Variants in VDAC1 observed in about 807,000 individuals in gnomAD.
VDAC1 encodes non-selective voltage-gated ion channel VDAC1.
VDAC1 carries 10 observed loss-of-function variants against 34.7 expected under a neutral mutation model. The observed-to-expected ratio is 0.29, with a 90% CI of 0.18 to 0.49. The LOEUF is 0.49. Ranked by LOEUF, VDAC1 falls within the 20% of genes least tolerant of loss-of-function variation. VDAC1 has a pLI of 0.99. For synonymous variants in VDAC1, 130 were observed against 136.0 expected (o/e 0.96, Z 0.30); for missense variants, 230 against 347.9 (o/e 0.66, Z 2.69).
chr5:133,997,845 C>G (rs1753387525), intron 1 of VDAC1, among the ~76,000 whole-genome samples: 1 of 151,980 alleles, frequency 6.6e-6, no homozygotes, highest in East Asian at 1.9e-4. Flanking sequence ...GGGCGGGTCA[C>G]CTGAGGTCAG....
At chr5:133,973,922 T>C in intron 7 of VDAC1, 74 bp from the exon 8 acceptor site, 1 of 1,456,308 alleles carries the variant, frequency 6.9e-7, no homozygotes, top group South Asian at 1.2e-5. Flanking sequence ...AAATTAGAGC[T>C]TTTTAGTCAA....
the VDAC1 span, among the ~76,000 whole-genome samples, chr5:134,039,564 C>A: frequency 3.3e-5 from 5 of 152,194 alleles, no homozygotes; most frequent in Non-Finnish European, 7.4e-5. Context: ...CTGCTGACCT[C>A]GTGATCCGCC....
At chr5:134,058,068 G>A in the VDAC1 span, among the ~76,000 whole-genome samples, 2 of 151,058 alleles carry the variant, frequency 1.3e-5, no homozygotes, top group African/African-American at 4.9e-5. Context: ...GCTAATTTTT[G>A]TATTTTTAGT....
chr5:133,989,342 A>G (rs1006270486), intron 5 of VDAC1: 1 of 151,742 alleles, frequency 6.6e-6, no homozygotes, highest in Non-Finnish European at 1.5e-5. Flanking sequence ...GTTAAGTTTT[A>G]TATGTATATC....
At chr5:133,986,006 G>C (rs772380147) in intron 5 of VDAC1, among the ~76,000 whole-genome samples, 3 of 152,212 alleles carry the variant, frequency 2.0e-5, no homozygotes, top group Admixed American at 6.5e-5. Context: ...CAGTGCTGGG[G>C]AGTGGCTCAG....
At chr5:134,101,408 G>T in the VDAC1 span, among the ~76,000 whole-genome samples, 7 of 152,106 alleles carry the variant, frequency 4.6e-5, no homozygotes, top group Non-Finnish European at 8.8e-5. Flanking sequence ...CGGCCAACAT[G>T]GTGAAACCCC....
At chr5:134,090,584 C>T in the VDAC1 span, among the ~76,000 whole-genome samples, 6 of 152,156 alleles carry the variant, frequency 3.9e-5, no homozygotes, top group Non-Finnish European at 8.8e-5. Context: ...GGCTGTCCTC[C>T]CACCCTCAGC....
At chr5:134,107,099 GGAGCCA>G in the VDAC1 span, among the ~76,000 whole-genome samples, 16 of 152,206 alleles carry the variant, frequency 1.1e-4, no homozygotes, top group Non-Finnish European at 2.2e-4. Flanking sequence ...GCCCCACTTT[GGAGCCA>G]GAGGTGTCCA....
At chr5:134,032,135 A>AAAAAAAAAAAAAAAAAAAAAAAAAAAC in the VDAC1 span, among the ~76,000 whole-genome samples, 1 of 148,282 alleles carries the variant, frequency 6.7e-6, no homozygotes, top group Non-Finnish European at 1.5e-5. Flanking sequence ...AAAAAAAAAA[A>AAAAAAAAAAAAAAAAAAAAAAAAAAAC]AAAAAAAAAG....
chr5:134,009,205 T>G (rs895655345), upstream of VDAC1, among the ~76,000 whole-genome samples: 2 of 151,606 alleles, frequency 1.3e-5, no homozygotes, highest in East Asian at 3.9e-4. Flanking sequence ...TGGAAAGAAA[T>G]GTATTAAGTA....
chr5:134,112,057 G>A, the VDAC1 span, among the ~76,000 whole-genome samples: 1 of 152,058 alleles, frequency 6.6e-6, no homozygotes, highest in African/African-American at 2.4e-5. Flanking sequence ...GATGGTGAAG[G>A]AATCAGTGCT....
At chr5:134,077,554 C>T in the VDAC1 span, among the ~76,000 whole-genome samples, 4 of 152,318 alleles carry the variant, frequency 2.6e-5, no homozygotes, top group East Asian at 3.9e-4. Context: ...ATTCCCATCA[C>T]GCTGGCATGC....
chr5:134,038,753 T>A, the VDAC1 span, among the ~76,000 whole-genome samples: 1 of 152,252 alleles, frequency 6.6e-6, no homozygotes, highest in African/African-American at 2.4e-5. Flanking sequence ...AGTTCTGCTT[T>A]GCAGCAATAG....
chr5:134,034,774 G>C, the VDAC1 span, among the ~76,000 whole-genome samples: 1 of 151,988 alleles, frequency 6.6e-6, no homozygotes, highest in Non-Finnish European at 1.5e-5. Flanking sequence ...TTCCACTATG[G>C]AGGAAAGGAG....
At chr5:134,019,961 T>C in the VDAC1 span, among the ~76,000 whole-genome samples, 1 of 152,148 alleles carries the variant, frequency 6.6e-6, no homozygotes, top group African/African-American at 2.4e-5. Flanking sequence ...GACAGGTAGA[T>C]ACACAATTAA....
the VDAC1 span, among the ~76,000 whole-genome samples, chr5:134,032,699 T>C: frequency 6.6e-6 from 1 of 152,038 alleles, no homozygotes; most frequent in African/African-American, 2.4e-5. Context: ...CAAAAGAGTA[T>C]GTATGGTATG....
the VDAC1 span, among the ~76,000 whole-genome samples, chr5:134,038,780 G>T: frequency 6.6e-6 from 1 of 152,134 alleles, no homozygotes; most frequent in African/African-American, 2.4e-5. Flanking sequence ...AAATTCCAAA[G>T]TTATTTTGGA....
At chr5:134,060,880 C>CTTTTTTTTTTTTTTTT in the VDAC1 span, among the ~76,000 whole-genome samples, 90 of 98,660 alleles carry the variant, frequency 9.1e-4, 6 homozygotes, top group Non-Finnish European at 1.0e-3. Flanking sequence ...TCTTCTTCTT[C>CTTTTTTTTTTTTTTTT]TTTTTTTTTT....
chr5:134,097,133 C>A, the VDAC1 span, among the ~76,000 whole-genome samples: 12 of 152,268 alleles, frequency 7.9e-5, no homozygotes, highest in African/African-American at 2.9e-4. Context: ...AATTAATGAA[C>A]CCCACAGTCT....
Sources: gnomAD v4.1 joint callset for allele counts (sites outside exome capture counted in the v4.1 genomes callset) on GRCh38, gnomAD v4.1.1 for gene constraint, MANE v1.5 for transcripts, NCBI Gene and HGNC (gene_info 2026-07-23, HGNC 2026-07-21) for gene names.